DOCK1: variants seen among roughly 807,000 people sequenced by gnomAD.
The protein encoded by DOCK1 is dedicator of cytokinesis protein 1.
DOCK1 carries 138 observed loss-of-function variants against 262.7 expected under a neutral mutation model. That is an observed-to-expected ratio of 0.53 (90% confidence interval 0.46 to 0.61). The LOEUF (loss-of-function observed/expected upper bound fraction) is 0.61. Ranked by LOEUF, DOCK1 falls within the 20% of genes least tolerant of loss-of-function variation. The pLI, the probability that DOCK1 is intolerant of heterozygous loss-of-function variation, is 0.00. For synonymous variants in DOCK1, 866 were observed against 867.4 expected (o/e 1.00, Z 0.03); for missense variants, 1,908 against 2,370.7 (o/e 0.80, Z 4.05).
chr10:126,948,554 G>A (rs933663402), intron 1 of DOCK1, among the ~76,000 whole-genome samples: 2 of 151,848 alleles, frequency 1.3e-5, no homozygotes, highest in Admixed American at 1.3e-4. Flanking sequence ...TTTTTACGTG[G>A]GGTGGGGTCG....
In DOCK1 at chr10:127,130,342, T is replaced by C. The variant is rs546320855; in HGVS notation, c.2847+2578T>C. On this transcript the variant is annotated intron_variant, in intron 27 of 51. Coordinates refer to ENST00000623213, the MANE Select transcript of DOCK1 (RefSeq NM_001290223.2). ...CTCAGGTGATCCATCCGCTTCGGCC[T>C]CCCAAAGTGCTGGGATTACAGGCAT... Among the ~76,000 whole-genome samples the C allele has an allele frequency of 3.3e-5, 5 of 152,304 alleles. No individual in the cohort carries two copies. In the East Asian group the frequency reaches 9.6e-4, roughly 29 times the overall value.
chr10:127,404,464 TG>T, intron 40 of DOCK1, 35 bp downstream of exon 40: 1 of 1,593,206 alleles, frequency 6.3e-7, no homozygotes, highest in South Asian at 1.1e-5. Flanking sequence ...GAGCCATGAT[TG>T]TTCCCCCAGC....
chr10:127,327,645 T>G (rs545602288), intron 29 of DOCK1, among the ~76,000 whole-genome samples: 2 of 152,336 alleles, frequency 1.3e-5, no homozygotes, highest in South Asian at 4.1e-4. Context: ...GGAGACCTCT[T>G]TGGAAACACA....
intron 27 of DOCK1, among the ~76,000 whole-genome samples, chr10:127,141,726 T>G (rs958488989): frequency 1.3e-5 from 2 of 151,678 alleles, no homozygotes; most frequent in Non-Finnish European, 2.9e-5. Flanking sequence ...CCAGTTGCCC[T>G]GGACTGCTTT....
At chr10:127,083,940 A>G (rs1030076938) in intron 23 of DOCK1, among the ~76,000 whole-genome samples, 1 of 152,222 alleles carries the variant, frequency 6.6e-6, no homozygotes, top group Non-Finnish European at 1.5e-5. Flanking sequence ...AAATGTAGTG[A>G]TGAGATTCTG....
At chr10:127,346,410 CACA>C (rs1173501898) in intron 31 of DOCK1, among the ~76,000 whole-genome samples, 4 of 152,132 alleles carry the variant, frequency 2.6e-5, no homozygotes, top group African/African-American at 7.2e-5. Context: ...GCCTGGACAA[CACA>C]ACAACACCCC....
At chr10:127,231,892 G>A (rs981360524) in intron 27 of DOCK1, among the ~76,000 whole-genome samples, 1 of 152,146 alleles carries the variant, frequency 6.6e-6, no homozygotes, top group African/African-American at 2.4e-5. Context: ...TGAACAAATG[G>A]AGAGACAGTT....
At chr10:127,005,983 C>T (rs1397089956) in intron 10 of DOCK1, among the ~76,000 whole-genome samples, 1 of 152,152 alleles carries the variant, frequency 6.6e-6, no homozygotes, top group Non-Finnish European at 1.5e-5. Flanking sequence ...TTCAAAAATT[C>T]GGCTTCTCAA....
At chr10:127,196,268 C>G (rs1242730357) in intron 27 of DOCK1, 2 of 148,598 alleles carry the variant, frequency 1.3e-5, no homozygotes, top group Non-Finnish European at 3.0e-5. Flanking sequence ...TCCGGCCCCG[C>G]TTAGCGACGC....
chr10:126,993,483 G>T (rs1402354317), intron 6 of DOCK1, among the ~76,000 whole-genome samples: 1 of 152,202 alleles, frequency 6.6e-6, no homozygotes, highest in African/African-American at 2.4e-5. Context: ...GTACCAGCAC[G>T]TTCCTAGGGG....
At chr10:127,162,694 A>T (rs1050496856) in intron 27 of DOCK1, among the ~76,000 whole-genome samples, 1 of 152,160 alleles carries the variant, frequency 6.6e-6, no homozygotes, top group African/African-American at 2.4e-5. Flanking sequence ...AAGCCTAGTT[A>T]TTTCTACTTA....
intron 27 of DOCK1, among the ~76,000 whole-genome samples, chr10:127,203,878 G>A (rs920834244): frequency 6.6e-6 from 1 of 151,418 alleles, no homozygotes; most frequent in Non-Finnish European, 1.5e-5. Context: ...CTTATTTTAA[G>A]ACATTTCTTA....
At position 127,419,761 on chromosome 10, in the gene DOCK1, A is replaced by C. The variant is rs1481841282; in HGVS notation, c.4776+12A>C. 1.3e-6 allele frequency: 2 copies of C among 1,582,076 alleles called. No homozygotes were observed. Among genetic ancestry groups the C allele is most frequent in the Non-Finnish European group, 8.6e-7 (1 of 1,163,372 alleles). On this transcript the variant is annotated intron_variant, in intron 46 of 51. Transcript: ENST00000623213. The stretch of plus-strand genomic sequence containing the variant: ...TGATTGCTTGGCAGGTAAAGTGTCC[A>C]GCAAGAGTCCTGCATGGCTGGAGGG...
chr10:127,233,024 G>A (rs927917216), intron 27 of DOCK1, among the ~76,000 whole-genome samples: 1 of 152,126 alleles, frequency 6.6e-6, no homozygotes, highest in Non-Finnish European at 1.5e-5. Flanking sequence ...TTTTGGTTTA[G>A]GTTAAGGGGA....
intron 5 of DOCK1, among the ~76,000 whole-genome samples, chr10:126,987,840 T>C (rs1204707123): frequency 6.6e-6 from 1 of 151,998 alleles, no homozygotes; most frequent in Non-Finnish European, 1.5e-5. Context: ...TGTATTACAG[T>C]GAGCTGTAGC....
At chr10:126,955,853 G>C (rs1039283839) in intron 1 of DOCK1, among the ~76,000 whole-genome samples, 12 of 152,112 alleles carry the variant, frequency 7.9e-5, no homozygotes, top group African/African-American at 2.9e-4. Context: ...TTATCAAGCA[G>C]TTAACTAAGG....
intron 16 of DOCK1, among the ~76,000 whole-genome samples, chr10:127,029,932 A>G (rs2043125513): frequency 1.3e-5 from 2 of 152,166 alleles, no homozygotes; most frequent in Non-Finnish European, 1.5e-5. Context: ...CCATTTGAAC[A>G]TTGAAATATT....
Position 126,998,221 on chromosome 10 carries a change from T to G in DOCK1, c.739T>G (p.Tyr247Asp), listed in dbSNP as rs752430840. The change falls in exon 8 of 52, where the codon TAT (tyrosine) becomes GAT (aspartate). Residue 247 changes from tyrosine to aspartate, a missense_variant. Tyr to Asp is a radical substitution (Grantham distance 160). Transcript: ENST00000623213. ...AGATGCTGAAGTCCTCATGTCTCTA[T>G]ATGACCCTGTGGAGTCCAAATTCAT... The part of the protein sequence containing the change: ...GEDAEVLMSL[Y>D]DPVESKFISE... 1.2e-6 allele frequency: 2 copies of G among 1,614,044 alleles called. No individual in the cohort carries two copies. Among genetic ancestry groups the G allele is most frequent in the Non-Finnish European group, 1.7e-6 (2 of 1,179,894 alleles).
chr10:127,403,187 T>A (rs759101229), intron 39 of DOCK1, 43 bp downstream of exon 39: 1 of 1,543,258 alleles, frequency 6.5e-7, no homozygotes, highest in Admixed American at 1.9e-5. Flanking sequence ...ACAGGCAATC[T>A]CAGCTGGTTT....
Sources: gnomAD v4.1 joint callset for allele counts (sites outside exome capture counted in the v4.1 genomes callset) on GRCh38, gnomAD v4.1.1 for gene constraint, MANE v1.5 for transcripts, NCBI Gene and HGNC (gene_info 2026-07-23, HGNC 2026-07-21) for gene names.